AGO3: variants seen among roughly 807,000 people sequenced by gnomAD.
AGO3 encodes the protein argonaute RISC catalytic component 3, also known as protein argonaute-3.
AGO3 carries 16 observed loss-of-function variants against 105.5 expected under a neutral mutation model. That is an observed-to-expected ratio of 0.15 (90% CI 0.10 to 0.23). The LOEUF (loss-of-function observed/expected upper bound fraction) is 0.23. Among genes scored for constraint, AGO3 ranks in the 10% least tolerant of loss-of-function variants. The pLI, the probability that AGO3 is intolerant of heterozygous loss-of-function variation, is 1.00. For missense variants in AGO3, 534 were observed against 1,088.0 expected (o/e 0.49, Z 7.16); for synonymous variants, 340 against 367.3 (o/e 0.93, Z 0.85).
Position 36,049,368 on chromosome 1 carries a change from A to C in AGO3, c.2275-5578A>C, listed in dbSNP as rs188093762. ...CCCCATCTCTACTAAAAATACAAAAATTAGCCAGGCATGGTGGCACGCACC... is the reference window on the plus strand; with the variant it reads ...CCCCATCTCTACTAAAAATACAAAACTTAGCCAGGCATGGTGGCACGCACC... On this transcript the variant is annotated intron_variant, in intron 17 of 18. Transcript: ENST00000373191. Among the ~76,000 whole-genome samples the C allele has an allele frequency of 3.2e-4, 49 of 152,166 alleles. 1 individual carries two copies. The East Asian group carries it at 7.2e-3, about 22-fold the overall frequency.
At chr1:36,013,044 C>A (rs1215358619) in intron 9 of AGO3, among the ~76,000 whole-genome samples, 1 of 151,958 alleles carries the variant, frequency 6.6e-6, no homozygotes, top group African/African-American at 2.4e-5. Flanking sequence ...TCAAGCGATT[C>A]TCTCACCTCA....
chr1:36,043,586 A>T (rs777830268), intron 17 of AGO3, 38 bp downstream of exon 17: 1 of 1,472,104 alleles, frequency 6.8e-7, no homozygotes, highest in Non-Finnish European at 9.4e-7. Context: ...TTAATTCAAG[A>T]ACTGTCATTC....
chr1:35,946,098 A>G (rs1420784130), intron 2 of AGO3, among the ~76,000 whole-genome samples: 1 of 152,208 alleles, frequency 6.6e-6, no homozygotes, highest in Non-Finnish European at 1.5e-5. Context: ...AAAAGGTTCA[A>G]GTTATTTTTA....
At chr1:35,992,140 G>A (rs942721614) in intron 5 of AGO3, 1 of 152,222 alleles carries the variant, frequency 6.6e-6, no homozygotes, top group African/African-American at 2.4e-5. Flanking sequence ...CCTGCATTCT[G>A]GAAGCCTAGT....
At chr1:35,966,835 C>G in intron 2 of AGO3, 120 bp from the exon 3 acceptor site, 1 of 1,166,106 alleles carries the variant, frequency 8.6e-7, no homozygotes, top group Non-Finnish European at 1.1e-6. Context: ...AAATCTTTAT[C>G]ATATATGAAT....
intron 5 of AGO3, among the ~76,000 whole-genome samples, chr1:35,983,807 T>C (rs1647106003): frequency 1.3e-5 from 2 of 152,184 alleles, no homozygotes; most frequent in Non-Finnish European, 2.9e-5. Context: ...GTAGATCTGC[T>C]ATTGCTGGTT....
intron 10 of AGO3, 44 bp from the exon 11 acceptor site, chr1:36,013,871 A>C: frequency 1.9e-6 from 3 of 1,600,956 alleles, no homozygotes; most frequent in Non-Finnish European, 2.6e-6. Flanking sequence ...TTTATTGAAA[A>C]TTTTTGTTCT....
upstream of AGO3, chr1:35,931,057 G>C (rs1646033170): frequency 5.2e-6 from 2 of 385,404 alleles, no homozygotes; most frequent in Non-Finnish European, 4.6e-6. Flanking sequence ...CGCCGGGCAA[G>C]CCAGGCAGCG....
chr1:35,978,429 T>C (rs538397343), intron 5 of AGO3, among the ~76,000 whole-genome samples: 1 of 152,252 alleles, frequency 6.6e-6, no homozygotes, highest in East Asian at 1.9e-4. Flanking sequence ...TGACCTCAGG[T>C]GATCCGCCTC....
Position 36,008,529 on chromosome 1 carries a change from G to A in AGO3, c.794-161G>A, listed in dbSNP as rs111546601. 0.018 allele frequency among the ~76,000 whole-genome samples: 2,767 copies of A among 152,170 alleles called. 41 individuals carry two copies. Among genetic ancestry groups the A allele is most frequent in the Non-Finnish European group, 0.028 (1,937 of 67,998 alleles). The stretch of plus-strand genomic sequence containing the variant: ...TCTGTCATGACTGTGACCATTATTA[G>A]CAATGTTATATGTAAAATCTGGTGT... On this transcript the variant is annotated intron_variant, in intron 6 of 18. Coordinates refer to ENST00000373191, the MANE Select transcript of AGO3 (RefSeq NM_024852.4). This position sits in a 1 kb window ranked among gnomAD's most constrained non-coding sequence, Gnocchi z 5.1.
chr1:36,025,143 T>TA (rs1252867502), intron 11 of AGO3, among the ~76,000 whole-genome samples: 1 of 152,226 alleles, frequency 6.6e-6, no homozygotes, highest in Non-Finnish European at 1.5e-5. Flanking sequence ...TCTTGAGTGA[T>TA]ACAGAGACCA....
chr1:36,002,052 C>T (rs1231117012), intron 5 of AGO3, among the ~76,000 whole-genome samples: 1 of 152,150 alleles, frequency 6.6e-6, no homozygotes. Flanking sequence ...AAATGTCTTG[C>T]TCTGTCACCC....
At position 36,006,644 on chromosome 1, in the gene AGO3, C is replaced by T. The variant is rs1023598468; in HGVS notation, c.794-2046C>T. ...ATTTCCTTCTTTTAAGATCCTCCTT[C>T]GATAGTATTTTATTTTCTAGTCTCC... On this transcript the variant is annotated intron_variant, in intron 6 of 18. Coordinates refer to ENST00000373191, the MANE Select transcript of AGO3 (RefSeq NM_024852.4). Among the ~76,000 whole-genome samples, 5 of 151,996 alleles carry T rather than the reference C, an allele frequency of 3.3e-5. No homozygotes were observed. In the East Asian group the frequency reaches 5.8e-4, roughly 18 times the overall value.
chr1:36,058,529 G>C lies in AGO3; in HGVS notation c.*2784G>C, dbSNP rs1368378599. On this transcript the variant is annotated 3_prime_UTR_variant, in exon 19 of 19. Transcript: ENST00000373191. ...TAGCCTTTCAGAATTCCATCTGCAC[G>C]TGAAACCTAATGGATTTAGATCTTT... The C allele has an allele frequency of 6.6e-6, 1 of 151,304 alleles. No individual in the cohort carries two copies. The highest frequency in any genetic ancestry group is 1.5e-5 in the Non-Finnish European group (1 of 67,932). The allele number at this position is 151,304 out of a possible 1,614,324, so 9.4% of individuals were successfully genotyped here. A position where few individuals can be genotyped will look rare whatever the true frequency, so the allele number is the denominator to read the frequency against.
At chr1:35,943,449 C>G (rs950599687) in intron 1 of AGO3, among the ~76,000 whole-genome samples, 3 of 150,704 alleles carry the variant, frequency 2.0e-5, no homozygotes, top group African/African-American at 4.9e-5. Context: ...TTACAGGTGC[C>G]TGCCATCATG....
chr1:36,027,427 A>G lies in AGO3; in HGVS notation c.1591+129A>G. The G allele has an allele frequency of 1.1e-6, 1 of 924,646 alleles. No homozygotes were observed. The highest frequency in any genetic ancestry group is 1.5e-6 in the Non-Finnish European group (1 of 662,216). The allele number at this position is 924,646 out of a possible 1,614,324, so 57.3% of individuals were successfully genotyped here. A position where few individuals can be genotyped will look rare whatever the true frequency, so the allele number is the denominator to read the frequency against. On this transcript the variant is annotated intron_variant, in intron 12 of 18. Coordinates refer to ENST00000373191, the MANE Select transcript of AGO3 (RefSeq NM_024852.4). This position sits in a 1 kb window ranked among gnomAD's most constrained non-coding sequence, Gnocchi z 4.0. ...GATACAGTATTTAAAACCATGTATTATTACTTGAAGACAAATTAATATAGC... is the reference window on the plus strand; with the variant it reads ...GATACAGTATTTAAAACCATGTATTGTTACTTGAAGACAAATTAATATAGC...
chr1:35,940,032 C>T lies in AGO3; in HGVS notation c.20-5660C>T, dbSNP rs190797943. ...AATCATTGTTCAAATTTTTACTTGT[C>T]TCACATATTATTTTTTAAACTGTTT... On this transcript the variant is annotated intron_variant, in intron 1 of 18. Coordinates refer to ENST00000373191, the MANE Select transcript of AGO3 (RefSeq NM_024852.4). 1.6e-3 allele frequency among the ~76,000 whole-genome samples: 245 copies of T among 151,952 alleles called. 2 individuals are homozygous for T. Among genetic ancestry groups the T allele is most frequent in the South Asian group, 6.2e-3 (30 of 4,804 alleles).
intron 5 of AGO3, among the ~76,000 whole-genome samples, chr1:35,995,946 T>G (rs892114614): frequency 6.6e-6 from 1 of 152,104 alleles, no homozygotes; most frequent in Admixed American, 6.5e-5. Flanking sequence ...CCCAAAGTGC[T>G]GGGATTACAG....
intron 1 of AGO3, among the ~76,000 whole-genome samples, chr1:35,934,976 T>C (rs1482682406): frequency 6.6e-6 from 1 of 152,250 alleles, no homozygotes; most frequent in Non-Finnish European, 1.5e-5. Flanking sequence ...TTCTCACTTG[T>C]AGTTCTTTGC....
Sources: gnomAD v4.1 joint callset for allele counts (sites outside exome capture counted in the v4.1 genomes callset) on GRCh38, gnomAD v4.1.1 for gene constraint, Gnocchi (gnomAD v3.1) non-coding constraint, MANE v1.5 for transcripts, NCBI Gene and HGNC (gene_info 2026-07-23, HGNC 2026-07-21) for gene names.